Variants in ST6GALNAC3 observed in about 807,000 individuals in gnomAD.
ST6GALNAC3 encodes the protein alpha-N-acetylgalactosaminide alpha-2,6-sialyltransferase 3.
Under a neutral mutation model 32.7 loss-of-function variants are expected in ST6GALNAC3, and 25 were observed. The ratio of observed to expected loss-of-function variants is 0.76; its 90% confidence interval spans 0.56 to 1.07. ST6GALNAC3 has a LOEUF of 1.07. Among genes scored for constraint, ST6GALNAC3 ranks in the 50% least tolerant of loss-of-function variants. ST6GALNAC3 has a pLI of 0.00. For synonymous variants in ST6GALNAC3, 129 were observed against 133.1 expected (o/e 0.97, Z 0.21); for missense variants, 355 against 382.4 (o/e 0.93, Z 0.60).
intron 3 of ST6GALNAC3, among the ~76,000 whole-genome samples, chr1:76,418,951 C>T (rs373582856): frequency 2.0e-5 from 3 of 150,518 alleles, no homozygotes; most frequent in Non-Finnish European, 3.0e-5. Context: ...AAAAAAGGAA[C>T]GATCTATTTT....
In ST6GALNAC3 at chr1:76,512,163, C is replaced by T. The variant is rs565293313; in HGVS notation, c.623+99746C>T. Among the ~76,000 whole-genome samples the T allele has an allele frequency of 3.9e-5, 6 of 152,078 alleles. No homozygotes were observed. The East Asian group carries it at 7.7e-4, about 20-fold the overall frequency. On this transcript the variant is annotated intron_variant, in intron 3 of 4. Transcript: ENST00000328299. Reference sequence around the variant, plus strand: ...ATGGTTGTTTTAAATAGAAAAATGTCGTACTTGAATATTTTGATTTTTATG... The same window carrying T: ...ATGGTTGTTTTAAATAGAAAAATGTTGTACTTGAATATTTTGATTTTTATG...
chr1:76,172,182 A>G (rs1187539083), intron 1 of ST6GALNAC3, among the ~76,000 whole-genome samples: 1 of 152,224 alleles, frequency 6.6e-6, no homozygotes, highest in East Asian at 1.9e-4. Flanking sequence ...GGCTGGTTGA[A>G]CATACGTAAA....
chr1:76,587,443 G>A (rs915979163), intron 3 of ST6GALNAC3, among the ~76,000 whole-genome samples: 2 of 152,200 alleles, frequency 1.3e-5, no homozygotes, highest in African/African-American at 2.4e-5. Context: ...GACGGGCAAA[G>A]TTCTCTAGAT....
intron 3 of ST6GALNAC3, among the ~76,000 whole-genome samples, chr1:76,530,264 A>C (rs931749877): frequency 6.6e-6 from 1 of 152,220 alleles, no homozygotes; most frequent in African/African-American, 2.4e-5. Context: ...ACAGGGGCGG[A>C]CAAAACTTCA....
intron 2 of ST6GALNAC3, among the ~76,000 whole-genome samples, chr1:76,341,777 G>C (rs775763293): frequency 6.6e-6 from 1 of 150,418 alleles, no homozygotes. Flanking sequence ...TGTTACATAG[G>C]TATACATGGG....
chr1:76,504,888 C>T (rs979744881), intron 3 of ST6GALNAC3, among the ~76,000 whole-genome samples: 3 of 152,050 alleles, frequency 2.0e-5, no homozygotes, highest in Non-Finnish European at 2.9e-5. Context: ...TTTTTTCTAT[C>T]GTACTTCAGA....
At chr1:76,617,797 G>A (rs1232683764) in intron 3 of ST6GALNAC3, among the ~76,000 whole-genome samples, 1 of 152,136 alleles carries the variant, frequency 6.6e-6, no homozygotes, top group East Asian at 1.9e-4. Flanking sequence ...CCAAAGATGG[G>A]AATTTATTTA....
intron 3 of ST6GALNAC3, among the ~76,000 whole-genome samples, chr1:76,547,573 G>A (rs1570215816): frequency 6.6e-6 from 1 of 152,226 alleles, no homozygotes; most frequent in South Asian, 2.1e-4. Context: ...TGGACTAATG[G>A]TGTACTTGGT....
chr1:76,386,987 C>T (rs1409910532), intron 2 of ST6GALNAC3, among the ~76,000 whole-genome samples: 1 of 152,148 alleles, frequency 6.6e-6, no homozygotes, highest in Non-Finnish European at 1.5e-5. Context: ...CTCTCTCCAG[C>T]ATGGTATTTC....
chr1:76,410,630 C>T (rs1257159828), intron 2 of ST6GALNAC3, among the ~76,000 whole-genome samples: 1 of 152,090 alleles, frequency 6.6e-6, no homozygotes, highest in South Asian at 2.1e-4. Flanking sequence ...CTGCTGAATT[C>T]TAACCCCTGG....
At chr1:76,607,771 C>T (rs1016311228) in intron 3 of ST6GALNAC3, among the ~76,000 whole-genome samples, 11 of 152,136 alleles carry the variant, frequency 7.2e-5, no homozygotes, top group African/African-American at 2.7e-4. Flanking sequence ...GCCACACACA[C>T]TTCCAGTCTC....
intron 3 of ST6GALNAC3, among the ~76,000 whole-genome samples, chr1:76,592,698 A>G (rs1200804801): frequency 6.6e-6 from 1 of 152,104 alleles, no homozygotes; most frequent in African/African-American, 2.4e-5. Context: ...GGACTGGCTC[A>G]CATTTCCCCA....
chr1:76,127,081 C>T (rs746901342), intron 1 of ST6GALNAC3, among the ~76,000 whole-genome samples: 3 of 152,216 alleles, frequency 2.0e-5, no homozygotes, highest in Non-Finnish European at 2.9e-5. Context: ...AGTTTTGAAG[C>T]AGATTTCTGG....
intron 1 of ST6GALNAC3, among the ~76,000 whole-genome samples, chr1:76,282,206 T>A (rs1414482): frequency 0.43 from 65,738 of 151,432 alleles, 14,346 homozygotes; most frequent in Admixed American, 0.49. Context: ...CTTGAGAGAC[T>A]GGTTATATTA....
chr1:76,525,991 T>C (rs1662889162), intron 3 of ST6GALNAC3, among the ~76,000 whole-genome samples: 1 of 150,948 alleles, frequency 6.6e-6, no homozygotes, highest in African/African-American at 2.4e-5. Flanking sequence ...CCAAAAACAA[T>C]GACAAACTCA....
chr1:76,163,643 AT>A (rs1420720192), intron 1 of ST6GALNAC3, among the ~76,000 whole-genome samples: 1 of 151,920 alleles, frequency 6.6e-6, no homozygotes, highest in African/African-American at 2.4e-5. Context: ...AATTGGCAGT[AT>A]TTTTTTTCTG....
At chr1:76,229,688 G>T (rs1656259824) in intron 1 of ST6GALNAC3, among the ~76,000 whole-genome samples, 1 of 152,210 alleles carries the variant, frequency 6.6e-6, no homozygotes, top group Non-Finnish European at 1.5e-5. Flanking sequence ...CCATGTAGCT[G>T]TTGTTCCTTC....
intron 1 of ST6GALNAC3, among the ~76,000 whole-genome samples, chr1:76,277,528 GTA>G (rs370795804): frequency 0.024 from 1,996 of 84,350 alleles, 15 homozygotes; most frequent in South Asian, 0.066. Context: ...ATGTTTATGT[GTA>G]TATATATATA....
At chr1:76,283,280 T>G (rs979704982) in intron 1 of ST6GALNAC3, among the ~76,000 whole-genome samples, 1 of 152,232 alleles carries the variant, frequency 6.6e-6, no homozygotes, top group Non-Finnish European at 1.5e-5. Context: ...AAACTATGTT[T>G]TCTTTTTTTA....
Sources: allele counts gnomAD v4.1 joint callset (sites outside exome capture counted in the v4.1 genomes callset), GRCh38; gene constraint gnomAD v4.1.1; transcripts MANE v1.5; gene names NCBI Gene and HGNC (gene_info 2026-07-23, HGNC 2026-07-21).